RGPD2: variants seen among roughly 807,000 people sequenced by gnomAD.
RGPD2 encodes RANBP2 like and GRIP domain containing 2.
Under a neutral mutation model 36.0 loss-of-function variants are expected in RGPD2, and 2 were observed. The ratio of observed to expected loss-of-function variants is 0.06; its 90% CI spans 0.02 to 0.17. The LOEUF is 0.17. RGPD2 is among the 10% of genes least tolerant of loss of function. The pLI, the probability that RGPD2 is intolerant of heterozygous loss-of-function variation, is 1.00. For synonymous variants in RGPD2, 19 were observed against 163.8 expected (o/e 0.12, Z 6.75); for missense variants, 40 against 464.3 (o/e 0.09, Z 8.40).
the RGPD2 span, among the ~76,000 whole-genome samples, chr2:87,883,888 T>C: frequency 2.0e-5 from 3 of 151,464 alleles, no homozygotes; most frequent in South Asian, 6.3e-4. Context: ...AGACAGATCA[T>C]TCAGACAGAA....
the RGPD2 span, among the ~76,000 whole-genome samples, chr2:87,974,553 A>G: frequency 6.6e-6 from 1 of 152,188 alleles, no homozygotes; most frequent in African/African-American, 2.4e-5. Flanking sequence ...ACCTCTTGAC[A>G]CACATACCTT....
the RGPD2 span, among the ~76,000 whole-genome samples, chr2:87,915,702 C>T: frequency 4.2e-3 from 617 of 147,984 alleles, 4 homozygotes; most frequent in African/African-American, 0.014. Flanking sequence ...TCCACTATCT[C>T]CAAACAGTAT....
chr2:87,985,772 C>A, the RGPD2 span: 3 of 1,610,516 alleles, frequency 1.9e-6, no homozygotes, highest in African/African-American at 4.0e-5. Context: ...CCATCACGTT[C>A]ATGAGACAAG....
the RGPD2 span, among the ~76,000 whole-genome samples, chr2:87,986,751 G>A: frequency 2.0e-5 from 3 of 151,100 alleles, no homozygotes; most frequent in African/African-American, 7.3e-5. Flanking sequence ...ATTGTGGCAG[G>A]CACCTGTAAT....
chr2:87,924,431 T>C, the RGPD2 span, among the ~76,000 whole-genome samples: 1 of 150,126 alleles, frequency 6.7e-6, no homozygotes, highest in African/African-American at 2.4e-5. Context: ...GCAGTGAGGA[T>C]TCTCAGCTTT....
chr2:87,842,740 C>T, the RGPD2 span, among the ~76,000 whole-genome samples: 4 of 152,180 alleles, frequency 2.6e-5, no homozygotes, highest in East Asian at 1.9e-4. Context: ...CAAAAAAGAG[C>T]CCGCATCGCC....
chr2:87,881,045 C>T, the RGPD2 span, among the ~76,000 whole-genome samples: 9 of 151,202 alleles, frequency 6.0e-5, no homozygotes, highest in South Asian at 2.1e-4. Flanking sequence ...AAATAATCTC[C>T]GTTGAATACA....
At chr2:87,805,496 TA>T (rs1482883713) in intron 7 of RGPD2, among the ~76,000 whole-genome samples, 2 of 135,626 alleles carry the variant, frequency 1.5e-5, no homozygotes, top group African/African-American at 2.7e-5. Flanking sequence ...ATCATTTTTC[TA>T]AGCCTGGTTT....
At chr2:87,869,054 A>G in the RGPD2 span, among the ~76,000 whole-genome samples, 1 of 152,148 alleles carries the variant, frequency 6.6e-6, no homozygotes, top group Non-Finnish European at 1.5e-5. Context: ...CACTTAATCA[A>G]TTGTCCCAAC....
chr2:87,952,313 G>T, the RGPD2 span, among the ~76,000 whole-genome samples: 2 of 152,054 alleles, frequency 1.3e-5, no homozygotes, highest in South Asian at 4.1e-4. Context: ...TGCTTAAGGG[G>T]TGTCCTCAAG....
chr2:87,939,815 C>T, the RGPD2 span, among the ~76,000 whole-genome samples: 2 of 151,930 alleles, frequency 1.3e-5, no homozygotes, highest in South Asian at 4.1e-4. Context: ...CTTGATTGTG[C>T]TGTTTGAGTC....
At chr2:87,841,636 A>G in the RGPD2 span, among the ~76,000 whole-genome samples, 121 of 151,730 alleles carry the variant, frequency 8.0e-4, 1 homozygote, top group Admixed American at 6.6e-3. Flanking sequence ...GAGGTACAAG[A>G]AGGAACTGGT....
chr2:87,886,007 A>G, the RGPD2 span, among the ~76,000 whole-genome samples: 1 of 151,728 alleles, frequency 6.6e-6, no homozygotes, highest in Non-Finnish European at 1.5e-5. Flanking sequence ...GTGTTTTTCT[A>G]TTTCACTTTT....
chr2:87,969,114 G>A, the RGPD2 span: 1 of 156,772 alleles, frequency 6.4e-6, no homozygotes, highest in Non-Finnish European at 1.4e-5. Flanking sequence ...GGAGTGCAGT[G>A]GTGCAATCTG....
the RGPD2 span, among the ~76,000 whole-genome samples, chr2:87,844,333 G>A: frequency 6.7e-6 from 1 of 149,412 alleles, no homozygotes; most frequent in African/African-American, 2.5e-5. Flanking sequence ...ATTATTAATA[G>A]TGTTTTGCAG....
the RGPD2 span, chr2:87,986,039 T>C: frequency 1.5e-6 from 1 of 673,762 alleles, no homozygotes; most frequent in African/African-American, 1.8e-5. Context: ...AAAACTGTCA[T>C]TAAAGAGCCA....
chr2:87,870,269 G>A, the RGPD2 span, among the ~76,000 whole-genome samples: 1 of 152,286 alleles, frequency 6.6e-6, no homozygotes, highest in Non-Finnish European at 1.5e-5. Flanking sequence ...TTGGGAGCAT[G>A]TCTTGCATGT....
the RGPD2 span, among the ~76,000 whole-genome samples, chr2:87,895,344 T>A: frequency 8.3e-6 from 1 of 120,376 alleles, no homozygotes; most frequent in South Asian, 3.6e-4. Flanking sequence ...CAGCAAACTC[T>A]AAGTATTTAC....
chr2:87,961,563 G>T, the RGPD2 span, among the ~76,000 whole-genome samples: 1 of 151,318 alleles, frequency 6.6e-6, no homozygotes, highest in East Asian at 1.9e-4. Flanking sequence ...TTACCCGGGC[G>T]TGGAGGTGGG....
Sources: gnomAD v4.1 joint callset for allele counts (sites outside exome capture counted in the v4.1 genomes callset) on GRCh38, gnomAD v4.1.1 for gene constraint, MANE v1.5 for transcripts, NCBI Gene and HGNC (gene_info 2026-07-23, HGNC 2026-07-21) for gene names.